ITGA9: variants seen among roughly 807,000 people sequenced by gnomAD.
The protein encoded by ITGA9 is integrin subunit alpha 9.
Under a neutral mutation model 127.8 loss-of-function variants are expected in ITGA9, and 56 were observed. The ratio of observed to expected loss-of-function variants is 0.44; its 90% CI spans 0.35 to 0.55. The LOEUF is 0.55. ITGA9 is among the 20% of genes least tolerant of loss of function. The pLI, the probability that ITGA9 is intolerant of heterozygous loss-of-function variation, is 0.00. For missense variants in ITGA9, 1,196 were observed against 1,347.1 expected, an observed-to-expected ratio of 0.89 and a Z score of 1.76; for synonymous variants, 508 against 514.5, an observed-to-expected ratio of 0.99 and a Z score of 0.17.
intron 18 of ITGA9, among the ~76,000 whole-genome samples, chr3:37,696,603 G>A (rs1364045156): frequency 6.6e-6 from 1 of 152,070 alleles, no homozygotes; most frequent in Admixed American, 6.5e-5. Flanking sequence ...TCACTGTTCT[G>A]TTTATCACTC....
At chr3:37,738,935 A>C (rs929228572) in intron 20 of ITGA9, among the ~76,000 whole-genome samples, 2 of 152,252 alleles carry the variant, frequency 1.3e-5, no homozygotes, top group African/African-American at 4.8e-5. Context: ...TTTTGGATGC[A>C]TATTAGAATC....
chr3:37,674,648 G>A (rs1700665372), intron 17 of ITGA9, among the ~76,000 whole-genome samples: 1 of 152,156 alleles, frequency 6.6e-6, no homozygotes, highest in Non-Finnish European at 1.5e-5. Flanking sequence ...AACCTGCACA[G>A]CATGAGCACA....
rs1384513960 is a variant in ITGA9, at chr3:37,822,170, G to A, written c.*3181G>A. The stretch of plus-strand genomic sequence containing the variant: ...ATGGTTTCACTGTGGAATCCTATAA[G>A]ATATTCTCCTGAGCAGTATTATTTC... On this transcript the variant is annotated 3_prime_UTR_variant, in exon 28 of 28. Coordinates refer to ENST00000264741, the MANE Select transcript of ITGA9 (RefSeq NM_002207.3). The A allele has an allele frequency of 6.6e-6, 1 of 152,092 alleles. No individual in the cohort carries two copies. Among genetic ancestry groups the A allele is most frequent in the Non-Finnish European group, 1.5e-5 (1 of 68,022 alleles). 9.4% of individuals were successfully genotyped at this position (152,092 alleles called of 1,614,324 possible).
intron 15 of ITGA9, among the ~76,000 whole-genome samples, chr3:37,586,400 A>C (rs1699759450): frequency 6.6e-6 from 1 of 152,218 alleles, no homozygotes; most frequent in Non-Finnish European, 1.5e-5. Flanking sequence ...AGACGGCTCT[A>C]GGCAGGGGGA....
At chr3:37,749,931 T>C (rs1230177514) in intron 22 of ITGA9, among the ~76,000 whole-genome samples, 1 of 152,170 alleles carries the variant, frequency 6.6e-6, no homozygotes, top group African/African-American at 2.4e-5. Flanking sequence ...GGGTCTCAAG[T>C]GGTGGTTCCT....
intron 5 of ITGA9, among the ~76,000 whole-genome samples, chr3:37,496,793 G>A (rs1039269882): frequency 7.9e-5 from 12 of 152,240 alleles, no homozygotes; most frequent in African/African-American, 2.4e-4. Context: ...AGGACATGCC[G>A]GACTCCCACT....
chr3:37,467,245 AC>A (rs1447191571), intron 1 of ITGA9, among the ~76,000 whole-genome samples: 1 of 152,208 alleles, frequency 6.6e-6, no homozygotes, highest in East Asian at 1.9e-4. Flanking sequence ...TTTCCATTGC[AC>A]AGGATTTGGG....
chr3:37,513,775 T>C lies in ITGA9; in HGVS notation c.910T>C (p.Phe304Leu). Residue 304 changes from phenylalanine (F) to leucine (L), a missense_variant, in exon 9 of 28, where the codon TTC (phenylalanine) becomes CTC (leucine). By Grantham distance (22) the Phe-to-Leu change is conservative. Transcript: ENST00000264741. ...QASGKKMGSY[F>L]GSSLCAVDLN... The stretch of plus-strand genomic sequence containing the variant: ...AACTTGGTTGCAGATGGGCTCTTAC[T>C]TCGGCTCCTCCTTGTGCGCAGTTGA... 6.2e-7 allele frequency: 1 copy of C among 1,614,140 alleles called. No individual in the cohort carries two copies.
rs547440492 is a variant in ITGA9, at chr3:37,657,538, C to G, written c.1916+3748C>G. Among the ~76,000 whole-genome samples, 22 of 151,622 alleles carry G rather than the reference C, an allele frequency of 1.5e-4. No homozygotes were observed. The East Asian group carries it at 3.9e-3, about 27-fold the overall frequency. The stretch of plus-strand genomic sequence containing the variant: ...ATTTCTGTAGGATTGGTGGTAATAT[C>G]CCCTTTATCATTTTTTGTTGTTTCT... On this transcript the variant is annotated intron_variant, in intron 17 of 27. Coordinates refer to ENST00000264741, the MANE Select transcript of ITGA9 (RefSeq NM_002207.3).
Position 37,533,471 on chromosome 3 carries a change from A to G in ITGA9, c.1528+3A>G. ...CAAACACGTTCCAGGAGAGATTGGT[A>G]ATGAGCCACCAAGTCAGGGCTCAGG... On this transcript the variant is annotated splice_donor_region_variant and intron_variant, in intron 14 of 27. Transcript: ENST00000264741. 6.2e-7 allele frequency: 1 copy of G among 1,614,020 alleles called. No individual in the cohort carries two copies.
intron 4 of ITGA9, among the ~76,000 whole-genome samples, chr3:37,485,887 A>G (rs1286985561): frequency 6.6e-6 from 1 of 152,210 alleles, no homozygotes; most frequent in Non-Finnish European, 1.5e-5. Context: ...TGTTTGTCTG[A>G]TGTGAGAACA....
At chr3:37,583,145 T>C (rs941185332) in intron 15 of ITGA9, among the ~76,000 whole-genome samples, 1 of 152,216 alleles carries the variant, frequency 6.6e-6, no homozygotes, top group African/African-American at 2.4e-5. Flanking sequence ...TTTACAAATC[T>C]TTATTTCTGG....
chr3:37,551,721 G>C (rs1179610007), intron 15 of ITGA9, among the ~76,000 whole-genome samples: 1 of 152,194 alleles, frequency 6.6e-6, no homozygotes, highest in Non-Finnish European at 1.5e-5. Context: ...TCTTTGAGTA[G>C]TAGCTGGTCC....
intron 22 of ITGA9, among the ~76,000 whole-genome samples, chr3:37,744,868 C>T (rs1227927409): frequency 6.6e-6 from 1 of 152,206 alleles, no homozygotes; most frequent in East Asian, 1.9e-4. Flanking sequence ...GAAAGGATAT[C>T]CTGAAGGTCC....
At chr3:37,731,372 C>G (rs76495059) in intron 18 of ITGA9, among the ~76,000 whole-genome samples, 1 of 152,150 alleles carries the variant, frequency 6.6e-6, no homozygotes, top group Non-Finnish European at 1.5e-5. Context: ...CTAACGCTGG[C>G]GATCCTGGGT....
chr3:37,592,645 C>T lies in ITGA9; in HGVS notation c.1690-36542C>T, dbSNP rs554274165. Among the ~76,000 whole-genome samples the T allele has an allele frequency of 3.9e-5, 6 of 152,228 alleles. No homozygotes were observed. In the East Asian group the frequency reaches 5.8e-4, roughly 15 times the overall value. ...GAGAGGAGGGGGTGTACTTGGGAAACGGCGAGGTCAAGTCAGCAGGGTGGA... is the reference window on the plus strand; with the variant it reads ...GAGAGGAGGGGGTGTACTTGGGAAATGGCGAGGTCAAGTCAGCAGGGTGGA... On this transcript the variant is annotated intron_variant, in intron 15 of 27. Transcript: ENST00000264741.
At chr3:37,595,924 C>T (rs2125617810) in intron 15 of ITGA9, among the ~76,000 whole-genome samples, 1 of 152,302 alleles carries the variant, frequency 6.6e-6, no homozygotes, top group South Asian at 2.1e-4. Flanking sequence ...GGTCAAACCG[C>T]TGCTTCCTGG....
chr3:37,556,429 A>G (rs1467547224), intron 15 of ITGA9, among the ~76,000 whole-genome samples: 1 of 152,228 alleles, frequency 6.6e-6, no homozygotes, highest in Non-Finnish European at 1.5e-5. Flanking sequence ...AATAGAAAGT[A>G]TGGAGCAAAT....
At chr3:37,475,229 C>G (rs983445835) in intron 3 of ITGA9, among the ~76,000 whole-genome samples, 11 of 152,240 alleles carry the variant, frequency 7.2e-5, no homozygotes, top group Non-Finnish European at 1.3e-4. Context: ...AAGAAGCTGA[C>G]TCATCTGTAA....
Sources: allele counts gnomAD v4.1 joint callset (sites outside exome capture counted in the v4.1 genomes callset), GRCh38; gene constraint gnomAD v4.1.1; transcripts MANE v1.5; gene names NCBI Gene and HGNC (gene_info 2026-07-23, HGNC 2026-07-21).